The following E2F3 variants were observed in gnomAD, a reference collection of about 807,000 sequenced individuals.
The protein encoded by E2F3 is transcription factor E2F3.
In E2F3, 11 loss-of-function variants were observed where a neutral mutation model predicts 44.4. The ratio of observed to expected loss-of-function variants is 0.25; its 90% CI spans 0.16 to 0.41. The LOEUF is 0.41. Ranked by LOEUF, E2F3 falls within the 10% of genes least tolerant of loss-of-function variation. The probability of loss-of-function intolerance (pLI) is 1.00; values close to 1 mark genes in which losing one functional copy is unlikely to be tolerated. For missense variants in E2F3, 487 were observed against 583.6 expected (o/e 0.83, Z 1.70); for synonymous variants, 249 against 253.0 (o/e 0.98, Z 0.15).
intron 1 of E2F3, among the ~76,000 whole-genome samples, chr6:20,436,474 CACACAG>C (rs1317967634): frequency 2.3e-5 from 3 of 131,436 alleles, no homozygotes; most frequent in African/African-American, 8.5e-5. Flanking sequence ...CACACACACA[CACACAG>C]AGAGAGAGAG....
chr6:20,482,649 G>T, intron 3 of E2F3, 113 bp from the exon 4 acceptor site: 2 of 831,040 alleles, frequency 2.4e-6, no homozygotes, highest in South Asian at 2.3e-5. Context: ...TTAACACTTG[G>T]CTAACAAGCA....
At chr6:20,458,169 A>G (rs1255529206) in intron 1 of E2F3, among the ~76,000 whole-genome samples, 1 of 152,150 alleles carries the variant, frequency 6.6e-6, no homozygotes, top group Non-Finnish European at 1.5e-5. Flanking sequence ...TGGGTAAGCA[A>G]GAGGCTTCAG....
chr6:20,462,774 A>G (rs1169487362), intron 1 of E2F3, among the ~76,000 whole-genome samples: 1 of 147,994 alleles, frequency 6.8e-6, no homozygotes, highest in Non-Finnish European at 1.5e-5. Flanking sequence ...ACTAATTCCT[A>G]TAGTTACACA....
intron 1 of E2F3, among the ~76,000 whole-genome samples, chr6:20,473,287 A>G (rs1422106744): frequency 6.6e-6 from 1 of 152,216 alleles, no homozygotes; most frequent in Non-Finnish European, 1.5e-5. Flanking sequence ...ACTTTTCACA[A>G]TCTTTTCATG....
intron 1 of E2F3, among the ~76,000 whole-genome samples, chr6:20,456,137 G>T (rs1185469774): frequency 6.6e-6 from 1 of 151,942 alleles, no homozygotes; most frequent in Non-Finnish European, 1.5e-5. Flanking sequence ...CAGAGTAAAT[G>T]AACAAAAGAA....
chr6:20,437,149 T>TC (rs1760614207), intron 1 of E2F3, among the ~76,000 whole-genome samples: 1 of 152,190 alleles, frequency 6.6e-6, no homozygotes, highest in Non-Finnish European at 1.5e-5. Context: ...AAGTCATTAT[T>TC]CCCAGGTGGA....
chr6:20,431,960 G>A (rs1760414373), intron 1 of E2F3, among the ~76,000 whole-genome samples: 1 of 152,192 alleles, frequency 6.6e-6, no homozygotes, highest in East Asian at 1.9e-4. Context: ...CTCTTCACCT[G>A]GTCGTCCCTC....
intron 1 of E2F3, among the ~76,000 whole-genome samples, chr6:20,479,190 G>C (rs1207086429): frequency 6.6e-6 from 1 of 152,236 alleles, no homozygotes; most frequent in East Asian, 1.9e-4. Context: ...ATGAAGGGCC[G>C]TTTGTAGTCT....
Position 20,402,565 on chromosome 6 carries a change from G to C in E2F3, c.333G>C (p.Gly111=). 2 of 1,548,102 alleles carry C rather than the reference G, an allele frequency of 1.3e-6. No individual in the cohort carries two copies. The highest frequency in any genetic ancestry group is 1.7e-6 in the Non-Finnish European group (2 of 1,159,948). The change falls in exon 1 of 7, where the codon GGG becomes GGC. Residue 111 remains glycine, a synonymous_variant. Coordinates refer to ENST00000346618, the MANE Select transcript of E2F3 (RefSeq NM_001949.5). The surrounding 1 kb of genome is among the most constrained non-coding windows in gnomAD (Gnocchi z 5.6). ...CGCACGGACCCTCCAGCAGAGCCGG[G>C]CTGCTGCAGCAGCCACCAGCGCTGG... is the stretch of plus-strand genomic sequence containing the variant. ...TTPHGPSSRA[G]LLQQPPALGR... is the part of the protein sequence containing the mutation.
intron 1 of E2F3, among the ~76,000 whole-genome samples, chr6:20,462,556 C>G (rs1320199672): frequency 2.6e-5 from 4 of 151,526 alleles, no homozygotes; most frequent in Admixed American, 1.3e-4. Flanking sequence ...CTCCCAGGTT[C>G]AAGCGATTCT....
rs140836992 is a variant in E2F3, at chr6:20,447,339, TGA to T, written c.394-32490_394-32489del. Among the ~76,000 whole-genome samples the T allele has an allele frequency of 2.1e-4, 31 of 149,710 alleles. No homozygotes were observed. The Middle Eastern group carries it at 0.014, about 66-fold the overall frequency. On this transcript the variant is annotated intron_variant, in intron 1 of 6. Transcript: ENST00000346618. ...GGATGTGTATGTGTGTGTGTGTGTA[TGA>T]GAGAGAGAGAGAGAGAAAGAGAAAG...
chr6:20,408,563 C>T (rs2127584317), intron 1 of E2F3, among the ~76,000 whole-genome samples: 1 of 152,310 alleles, frequency 6.6e-6, no homozygotes, highest in South Asian at 2.1e-4. Context: ...CAAATACTCT[C>T]CTATCCAATG....
At chr6:20,456,998 C>A (rs1761327183) in intron 1 of E2F3, among the ~76,000 whole-genome samples, 2 of 152,148 alleles carry the variant, frequency 1.3e-5, no homozygotes, top group Non-Finnish European at 2.9e-5. Context: ...GGTTTCCAGG[C>A]TTCGAACCAG....
chr6:20,423,385 CT>C (rs34224847), intron 1 of E2F3, among the ~76,000 whole-genome samples: 27,127 of 152,196 alleles, frequency 0.18, 3,009 homozygotes, highest in South Asian at 0.32. Flanking sequence ...AAAATACAGT[CT>C]TATAATCTTA....
intron 1 of E2F3, among the ~76,000 whole-genome samples, chr6:20,457,255 C>A (rs1031198661): frequency 1.3e-5 from 2 of 151,526 alleles, no homozygotes; most frequent in Non-Finnish European, 2.9e-5. Context: ...GCTCACTGCA[C>A]CCTCCGCACC....
intron 1 of E2F3, chr6:20,403,766 C>G (rs1331609231): frequency 3.3e-6 from 5 of 1,497,700 alleles, no homozygotes; most frequent in African/African-American, 1.4e-5. Context: ...TCCGGGCCCC[C>G]TCTCCAGCCG....
intron 1 of E2F3, among the ~76,000 whole-genome samples, chr6:20,426,515 G>T (rs899307450): frequency 6.8e-6 from 1 of 147,784 alleles, no homozygotes; most frequent in African/African-American, 2.5e-5. Flanking sequence ...CCCCAATCTT[G>T]TTTTTCACGT....
intron 1 of E2F3, among the ~76,000 whole-genome samples, chr6:20,453,336 T>C (rs926082390): frequency 3.3e-5 from 5 of 152,206 alleles, no homozygotes; most frequent in African/African-American, 1.2e-4. Flanking sequence ...TGCTATTACT[T>C]TTTTTACATT....
intron 1 of E2F3, among the ~76,000 whole-genome samples, chr6:20,412,460 G>A (rs1476499144): frequency 6.6e-6 from 1 of 152,116 alleles, no homozygotes; most frequent in Non-Finnish European, 1.5e-5. Context: ...GGAGACATAA[G>A]TCAAAGGCAG....
Sources: gnomAD v4.1 joint callset for allele counts (sites outside exome capture counted in the v4.1 genomes callset) on GRCh38, gnomAD v4.1.1 for gene constraint, Gnocchi (gnomAD v3.1) non-coding constraint, MANE v1.5 for transcripts, NCBI Gene and HGNC (gene_info 2026-07-23, HGNC 2026-07-21) for gene names.